Variants in PAPPA observed in about 807,000 individuals in gnomAD.
PAPPA encodes the protein pappalysin 1.
In PAPPA, 60 loss-of-function variants were observed where a neutral mutation model predicts 164.0. The observed-to-expected ratio is 0.37, with a 90% CI of 0.30 to 0.45. The LOEUF (loss-of-function observed/expected upper bound fraction) is 0.45, where lower values mean the gene tolerates loss of function less well. PAPPA is among the 20% of genes least tolerant of loss of function. The pLI, the probability that PAPPA is intolerant of heterozygous loss-of-function variation, is 1.00. For missense variants in PAPPA, 1,782 were observed against 2,087.3 expected (o/e 0.85, Z 2.85); for synonymous variants, 875 against 814.1 (o/e 1.07, Z -1.27).
intron 9 of PAPPA, among the ~76,000 whole-genome samples, chr9:116,289,342 A>G: frequency 7.5e-6 from 1 of 133,638 alleles, no homozygotes; most frequent in African/African-American, 2.9e-5. Context: ...TATAGCATAT[A>G]TATGGCATAT....
intron 18 of PAPPA, among the ~76,000 whole-genome samples, chr9:116,364,642 C>T (rs775512111): frequency 1.2e-4 from 18 of 152,252 alleles, no homozygotes; most frequent in African/African-American, 2.9e-4. Context: ...CACAGAAAGA[C>T]GCACAAAAGG....
Position 116,353,040 on chromosome 9 carries a change from G to T in PAPPA, c.4175+124G>T, listed in dbSNP as rs776907583. The T allele has an allele frequency of 1.1e-4, 85 of 751,870 alleles. 1 individual carries two copies. In the South Asian group the frequency reaches 1.3e-3, roughly 11 times the overall value. The allele number at this position is 751,870 out of a possible 1,614,324, so 46.6% of individuals were successfully genotyped here. The stretch of plus-strand genomic sequence containing the variant: ...TAATGACTGCCATTCATCCCATTCT[G>T]TTCTGTGAGAAGCTAGAAGGATTTG... On this transcript the variant is annotated intron_variant, in intron 16 of 21. Coordinates refer to ENST00000328252, the MANE Select transcript of PAPPA (RefSeq NM_002581.5).
chr9:116,284,969 G>T (rs1222491141), intron 9 of PAPPA, among the ~76,000 whole-genome samples: 1 of 151,854 alleles, frequency 6.6e-6, no homozygotes, highest in East Asian at 1.9e-4. Context: ...CAATCTACCT[G>T]CCCATAGGTG....
chr9:116,369,600 C>T (rs1335344452), intron 19 of PAPPA, among the ~76,000 whole-genome samples: 3 of 152,206 alleles, frequency 2.0e-5, no homozygotes, highest in Non-Finnish European at 2.9e-5. Context: ...CAGAGATCTT[C>T]TTGGCCTGGA....
chr9:116,202,362 C>T (rs971892377), intron 2 of PAPPA, among the ~76,000 whole-genome samples: 2 of 152,128 alleles, frequency 1.3e-5, no homozygotes, highest in Non-Finnish European at 2.9e-5. Context: ...CACTTACCAA[C>T]GAGTGAGATG....
At chr9:116,368,170 C>G (rs192204659) in intron 19 of PAPPA, among the ~76,000 whole-genome samples, 2 of 152,152 alleles carry the variant, frequency 1.3e-5, no homozygotes, top group South Asian at 4.1e-4. Flanking sequence ...TCCCATGTAG[C>G]CTTCCACTTT....
intron 4 of PAPPA, among the ~76,000 whole-genome samples, chr9:116,217,914 T>C (rs1844395917): frequency 6.6e-6 from 1 of 152,238 alleles, no homozygotes; most frequent in Non-Finnish European, 1.5e-5. Context: ...CATCATGCCC[T>C]TCTCCTGCAT....
chr9:116,234,429 T>C (rs1233477417), intron 6 of PAPPA, among the ~76,000 whole-genome samples: 1 of 152,148 alleles, frequency 6.6e-6, no homozygotes, highest in Admixed American at 6.5e-5. Context: ...GCTCCAAGGC[T>C]GCCTTCCAGC....
intron 10 of PAPPA, among the ~76,000 whole-genome samples, chr9:116,308,156 G>C (rs1015038512): frequency 6.6e-6 from 1 of 152,238 alleles, no homozygotes; most frequent in Non-Finnish European, 1.5e-5. Flanking sequence ...AGAAGCTTCA[G>C]AGAAGTACTG....
Position 116,379,539 on chromosome 9 carries a change from T to TCATCCATCCATC in PAPPA, c.4677+1925_4677+1936dup, listed in dbSNP as rs60827972. Among the ~76,000 whole-genome samples, 419 of 149,904 alleles carry TCATCCATCCATC rather than the reference T, an allele frequency of 2.8e-3. 2 individuals carry two copies. The highest frequency in any genetic ancestry group is 0.011 in the East Asian group (54 of 5,030). On this transcript the variant is annotated intron_variant, in intron 20 of 21. Transcript: ENST00000328252. ...GTCATCTATGATATCTTCTTGCCTG[T>TCATCCATCCATC]CATCCATCCATCCATCCATCCATCC...
chr9:116,175,141 C>T (rs1188010958), intron 1 of PAPPA, among the ~76,000 whole-genome samples: 1 of 152,174 alleles, frequency 6.6e-6, no homozygotes, highest in East Asian at 1.9e-4. Context: ...CTGATGTCAA[C>T]CTCCCATTAT....
chr9:116,359,770 T>C lies in PAPPA; in HGVS notation c.4348-2822T>C, dbSNP rs185382701. Among the ~76,000 whole-genome samples the C allele has an allele frequency of 1.1e-3, 169 of 152,332 alleles. 1 individual carries two copies. Among genetic ancestry groups the C allele is most frequent in the African/African-American group, 3.9e-3 (162 of 41,574 alleles). On this transcript the variant is annotated intron_variant, in intron 17 of 21. Transcript: ENST00000328252. ...AAAGTTTGCAGGAGAAACAAAGTGATTCATTTGTCTAGCAGGAAGGATACA... is the reference window on the plus strand; with the variant it reads ...AAAGTTTGCAGGAGAAACAAAGTGACTCATTTGTCTAGCAGGAAGGATACA...
chr9:116,179,902 T>C (rs1205428662), intron 1 of PAPPA, among the ~76,000 whole-genome samples: 2 of 152,160 alleles, frequency 1.3e-5, no homozygotes, highest in African/African-American at 4.8e-5. Flanking sequence ...CTCCAACCTT[T>C]AGCTTTTAAT....
chr9:116,155,811 C>T (rs1239284569), intron 1 of PAPPA, among the ~76,000 whole-genome samples: 1 of 152,170 alleles, frequency 6.6e-6, no homozygotes, highest in African/African-American at 2.4e-5. Flanking sequence ...GAATACGTCT[C>T]CCGAAGCCCC....
chr9:116,173,471 C>A (rs1022317036), intron 1 of PAPPA, among the ~76,000 whole-genome samples: 5 of 152,146 alleles, frequency 3.3e-5, no homozygotes, highest in African/African-American at 1.2e-4. Flanking sequence ...CCCCACCCAC[C>A]CCCATGGACT....
chr9:116,368,125 C>T (rs1846525852), intron 19 of PAPPA, among the ~76,000 whole-genome samples: 1 of 152,188 alleles, frequency 6.6e-6, no homozygotes, highest in African/African-American at 2.4e-5. Context: ...AGTCCATACT[C>T]ATAAGGATGG....
chr9:116,383,019 C>T (rs1846753211), intron 21 of PAPPA, among the ~76,000 whole-genome samples: 1 of 152,184 alleles, frequency 6.6e-6, no homozygotes. Flanking sequence ...ATTTTATTAT[C>T]TATCTTATTT....
At chr9:116,298,316 T>G (rs1421902549) in intron 9 of PAPPA, among the ~76,000 whole-genome samples, 1 of 152,236 alleles carries the variant, frequency 6.6e-6, no homozygotes, top group Non-Finnish European at 1.5e-5. Flanking sequence ...CTGAACTCAT[T>G]TCTTCCAAAA....
intron 1 of PAPPA, among the ~76,000 whole-genome samples, chr9:116,158,298 G>C (rs990938013): frequency 1.3e-5 from 2 of 152,134 alleles, no homozygotes; most frequent in African/African-American, 4.8e-5. Flanking sequence ...CAGCATTGCT[G>C]TAACAGTGAA....
Sources: gnomAD v4.1 joint callset for allele counts (sites outside exome capture counted in the v4.1 genomes callset) on GRCh38, gnomAD v4.1.1 for gene constraint, MANE v1.5 for transcripts, NCBI Gene and HGNC (gene_info 2026-07-23, HGNC 2026-07-21) for gene names.